NOL8: variants seen among roughly 807,000 people sequenced by gnomAD.
The protein encoded by NOL8 is nucleolar protein Nop132.
A neutral mutation model predicts 116.1 loss-of-function variants in NOL8; 93 were observed. The ratio of observed to expected loss-of-function variants is 0.80; its 90% CI spans 0.68 to 0.95. The LOEUF (loss-of-function observed/expected upper bound fraction) is 0.95. Ranked by LOEUF, NOL8 falls within the 40% of genes least tolerant of loss-of-function variation. NOL8 has a pLI of 0.00. For missense variants in NOL8, 1,291 were observed against 1,382.8 expected (o/e 0.93, Z 1.05); for synonymous variants, 419 against 469.0 (o/e 0.89, Z 1.38).
intron 7 of NOL8, among the ~76,000 whole-genome samples, chr9:92,313,708 C>T (rs1481787186): frequency 6.6e-6 from 1 of 152,176 alleles, no homozygotes; most frequent in Non-Finnish European, 1.5e-5. Context: ...TTCACCTGGG[C>T]CTGACCAATT....
chr9:92,304,878 A>G (rs1028951684), intron 12 of NOL8, among the ~76,000 whole-genome samples: 10 of 152,152 alleles, frequency 6.6e-5, no homozygotes, highest in African/African-American at 2.4e-4. Context: ...TCAAGATTCA[A>G]TTCAGGATAC....
intron 6 of NOL8, 142 bp downstream of exon 6, chr9:92,318,476 T>A: frequency 1.6e-6 from 1 of 636,480 alleles, no homozygotes; most frequent in Non-Finnish European, 2.7e-6. Flanking sequence ...AATTGTTTCA[T>A]ACATGTAGGT....
At position 92,316,014 on chromosome 9, in the gene NOL8, T is replaced by C. The variant is rs1587991722; in HGVS notation, c.611A>G (p.Lys204Arg). ...ELEGGNDPMS[K>R]KRRGEFSDFH... The stretch of plus-strand genomic sequence containing the variant: ...GTCAGAGAACTCTCCTCGCCGTTTC[T>C]TACTCATAGGGTCATTCCCTCCTTC... The change falls in exon 7 of 17, where the codon AAG becomes AGG. Residue 204 changes from lysine to arginine, a missense_variant. Physicochemically the swap from Lys to Arg is conservative, Grantham distance 26. Coordinates refer to ENST00000442668, the MANE Select transcript of NOL8 (RefSeq NM_017948.6). 3 of 1,613,982 alleles carry C rather than the reference T, an allele frequency of 1.9e-6. No homozygotes were observed. The highest frequency in any genetic ancestry group is 1.7e-6 in the Non-Finnish European group (2 of 1,179,890).
chr9:92,310,826 C>G (rs1838711268), intron 8 of NOL8, 151 bp from the exon 9 acceptor site: 2 of 790,242 alleles, frequency 2.5e-6, no homozygotes, highest in Admixed American at 3.1e-5. Flanking sequence ...ATTCCTGACT[C>G]AGTGAAATCT....
intron 2 of NOL8, 47 bp from the exon 3 acceptor site, chr9:92,323,550 T>C: frequency 6.7e-7 from 1 of 1,493,030 alleles, no homozygotes; most frequent in South Asian, 1.2e-5. Context: ...TTTAAATTCT[T>C]ATCCAGAGAG....
At chr9:92,311,977 A>C (rs1379484885) in intron 7 of NOL8, among the ~76,000 whole-genome samples, 1 of 152,230 alleles carries the variant, frequency 6.6e-6, no homozygotes, top group African/African-American at 2.4e-5. Flanking sequence ...GGACTGGATA[A>C]AGAAAATGTG....
intron 6 of NOL8, among the ~76,000 whole-genome samples, chr9:92,318,193 C>T (rs527459518): frequency 6.6e-6 from 1 of 152,166 alleles, no homozygotes; most frequent in Admixed American, 6.5e-5. Flanking sequence ...TATTTCTCAA[C>T]CCACCATCCT....
chr9:92,324,319 C>T, intron 1 of NOL8, 110 bp from the exon 2 acceptor site: 4 of 878,128 alleles, frequency 4.6e-6, no homozygotes, highest in Non-Finnish European at 6.8e-6. Context: ...TATTTCACTT[C>T]CTATTGTATT....
chr9:92,315,159 G>A lies in NOL8; in HGVS notation c.1466C>T (p.Ala489Val). ...ACTGCCAGCCAATTGTTCCAAATCA[G>A]CTAAAGTGAGATTCACACGAAGGCA... ...KNCLRVNLTL[A>V]DLEQLAGSDL... is the part of the protein sequence containing the mutation. Residue 489 changes from alanine to valine, a missense_variant, in exon 7 of 17, where the codon GCT (alanine) becomes GTT (valine). Ala to Val is a moderately conservative substitution (Grantham distance 64). Coordinates refer to ENST00000442668, the MANE Select transcript of NOL8 (RefSeq NM_017948.6). 1 of 1,613,968 alleles carries A rather than the reference G, an allele frequency of 6.2e-7. No homozygotes were observed. The highest frequency in any genetic ancestry group is 8.5e-7 in the Non-Finnish European group (1 of 1,179,898).
At chr9:92,310,846 C>A in intron 8 of NOL8, 171 bp from the exon 9 acceptor site, 1 of 663,932 alleles carries the variant, frequency 1.5e-6, no homozygotes, top group Non-Finnish European at 2.5e-6. Context: ...TAACTGGCCT[C>A]TGGGATCACT....
At position 92,297,532 on chromosome 9, in the gene NOL8, C is replaced by CA. The variant is rs1404006143; in HGVS notation, c.*303dup. 6 of 261,456 alleles carry CA rather than the reference C, an allele frequency of 2.3e-5. No individual in the cohort carries two copies. The highest frequency in any genetic ancestry group is 4.3e-5 in the Non-Finnish European group (6 of 140,384). 16.2% of individuals were successfully genotyped at this position (261,456 alleles called of 1,614,324 possible). ...TTAAAAAGGCTTCATATAAACCTTG[C>CA]ATGAGAAGATGTCCATTAGTTACTC... On this transcript the variant is annotated 3_prime_UTR_variant, in exon 17 of 17. Coordinates refer to ENST00000442668, the MANE Select transcript of NOL8 (RefSeq NM_017948.6).
chr9:92,321,719 C>T lies in NOL8; in HGVS notation c.230G>A (p.Trp77Ter). 1 of 1,525,148 alleles carries T rather than the reference C, an allele frequency of 6.6e-7. No individual in the cohort carries two copies. Among genetic ancestry groups the T allele is most frequent in the African/African-American group, 1.4e-5 (1 of 71,874 alleles). 94.5% of individuals were successfully genotyped at this position (1,525,148 alleles called of 1,614,324 possible). The stretch of plus-strand genomic sequence containing the variant: ...TTGAATTTGTAATGTTCCACCTTTC[C>T]ATTTTGTTTTATTTAAAACAGACAT... ...KCMSVLNKTK[W>*]KGGTLQIQLA... is the part of the protein sequence containing the mutation. Residue 77 changes from tryptophan to a stop codon, truncating the protein, a stop_gained, in exon 4 of 17, where the codon TGG becomes TAG. Coordinates refer to ENST00000442668, the MANE Select transcript of NOL8 (RefSeq NM_017948.6). LOFTEE classifies it high-confidence loss of function.
rs1197874458 is a variant in NOL8, at chr9:92,305,940, G to T, written c.2826-110C>A. ...TAGGAAGATTCTAATTTTGCAGCAAGAAGAAGCCATATAACATCAGATAAG... is the reference window on the plus strand; with the variant it reads ...TAGGAAGATTCTAATTTTGCAGCAATAAGAAGCCATATAACATCAGATAAG... On this transcript the variant is annotated intron_variant, in intron 11 of 16. Coordinates refer to ENST00000442668, the MANE Select transcript of NOL8 (RefSeq NM_017948.6). 8.6e-6 allele frequency: 6 copies of T among 701,292 alleles called. No homozygotes were observed. In the South Asian group the frequency reaches 1.0e-4, roughly 12 times the overall value. The allele number at this position is 701,292 out of a possible 1,614,324, so 43.4% of individuals were successfully genotyped here.
chr9:92,309,691 T>G lies in NOL8; in HGVS notation c.2686+480A>C, dbSNP rs376119664. ...AGAAGTAGAATTAGGATGCTTCTGA[T>G]AGCATCATTACTCTTAGATACATTC... On this transcript the variant is annotated intron_variant, in intron 10 of 16. Transcript: ENST00000442668. 2.6e-4 allele frequency among the ~76,000 whole-genome samples: 39 copies of G among 152,296 alleles called. 1 individual carries two copies. Among genetic ancestry groups the G allele is most frequent in the Middle Eastern group, 3.4e-3 (1 of 294 alleles).
At chr9:92,312,060 T>C (rs970596931) in intron 7 of NOL8, among the ~76,000 whole-genome samples, 4 of 152,210 alleles carry the variant, frequency 2.6e-5, no homozygotes, top group African/African-American at 7.2e-5. Flanking sequence ...GCCACATTGA[T>C]GGTGCTGGAG....
intron 13 of NOL8, 31 bp from the exon 14 acceptor site, chr9:92,300,047 G>A (rs1837600462): frequency 6.2e-7 from 1 of 1,603,692 alleles, no homozygotes; most frequent in Non-Finnish European, 8.5e-7. Flanking sequence ...AAGATGATGG[G>A]ATTGTAACTC....
chr9:92,323,949 G>A, intron 2 of NOL8, 74 bp downstream of exon 2: 2 of 1,493,168 alleles, frequency 1.3e-6, no homozygotes, highest in Non-Finnish European at 1.8e-6. Context: ...ATTTATCTTG[G>A]GGTTGTTTTA....
chr9:92,314,737 A>C lies in NOL8; in HGVS notation c.1888T>G (p.Cys630Gly). The stretch of plus-strand genomic sequence containing the variant: ...CCATTCGCCTTCTTTGCATGTTGGC[A>C]TGGAGTCACTTCACCTAATGAGCCA... ...VNGSLGEVTPCQHAKKANGPN... is the reference protein window; with the variant it reads ...VNGSLGEVTPGQHAKKANGPN... The change falls in exon 7 of 17, where the codon TGC becomes GGC. Residue 630 changes from cysteine (C) to glycine (G), a missense_variant. Physicochemically the swap from Cys to Gly is radical, Grantham distance 159. Coordinates refer to ENST00000442668, the MANE Select transcript of NOL8 (RefSeq NM_017948.6). 1 of 1,613,884 alleles carries C rather than the reference A, an allele frequency of 6.2e-7. No individual in the cohort carries two copies.
intron 7 of NOL8, 119 bp from the exon 8 acceptor site, chr9:92,311,378 A>T (rs966785061): frequency 4.8e-6 from 3 of 624,930 alleles, no homozygotes; most frequent in Non-Finnish European, 8.3e-6. Flanking sequence ...GAGCTTCTGC[A>T]CAGCAAAAGA....
Sources: gnomAD v4.1 joint callset for allele counts (sites outside exome capture counted in the v4.1 genomes callset) on GRCh38, gnomAD v4.1.1 for gene constraint, MANE v1.5 for transcripts, NCBI Gene and HGNC (gene_info 2026-07-23, HGNC 2026-07-21) for gene names.